ZNF391: variants seen among roughly 807,000 people sequenced by gnomAD.
ZNF391 encodes zinc finger protein 391.
For missense variants in ZNF391, 375 were observed against 425.5 expected (o/e 0.88, Z 1.04); for synonymous variants, 126 against 142.1 (o/e 0.89, Z 0.80).
intron 1 of ZNF391, among the ~76,000 whole-genome samples, chr6:27,381,957 C>T (rs1461950715): frequency 6.8e-6 from 1 of 146,680 alleles, no homozygotes; most frequent in African/African-American, 2.5e-5. Flanking sequence ...TTGCTTGAAC[C>T]TGGAAGGCGG....
rs1409059212 is a variant in ZNF391 at position 27,376,572 on chromosome 6, C to T, written n.523+1435C>T. On this transcript the variant is annotated intron_variant and non_coding_transcript_variant, in intron 1 of 2. Coordinates refer to the ZNF391 transcript ENST00000477999. The surrounding 1 kb of genome is among the most constrained non-coding windows in gnomAD (Gnocchi z 4.7). ...GTATACATCTCTGTATTGCAAATGA[C>T]AACATCTCTGGGATCCAGTCTCTTC... Among the ~76,000 whole-genome samples the T allele has an allele frequency of 1.3e-5, 2 of 152,136 alleles. No homozygotes were observed.
At chr6:27,379,238 G>A (rs773825948) in intron 1 of ZNF391, among the ~76,000 whole-genome samples, 8 of 152,136 alleles carry the variant, frequency 5.3e-5, no homozygotes, top group Non-Finnish European at 1.2e-4. Context: ...CTAAAGTAGA[G>A]AGAAATAATT....
chr6:27,386,387 A>G (rs1166882519), upstream of ZNF391, among the ~76,000 whole-genome samples: 1 of 152,220 alleles, frequency 6.6e-6, no homozygotes, highest in Non-Finnish European at 1.5e-5. Flanking sequence ...ATTTGTTTGC[A>G]GAAATAGAAA....
In ZNF391 at chr6:27,401,837, G is replaced by A. The variant is rs543169003; in HGVS notation, c.*390G>A. 109 of 160,576 alleles carry A rather than the reference G, an allele frequency of 6.8e-4. No individual in the cohort carries two copies. Among genetic ancestry groups the A allele is most frequent in the Admixed American group, 2.5e-3 (43 of 17,046 alleles). The allele number at this position is 160,576 out of a possible 1,614,324, so 9.9% of individuals were successfully genotyped here. A position where few individuals can be genotyped will look rare whatever the true frequency, so the allele number is the denominator to read the frequency against. On this transcript the variant is annotated 3_prime_UTR_variant, in exon 3 of 3. Transcript: ENST00000244576. Reference sequence around the variant, plus strand: ...TCTATTCCTTCAAGCGTGGGTCCCCGAACCACCAGGTTCTCCTCTGTTTTC... The same window carrying A: ...TCTATTCCTTCAAGCGTGGGTCCCCAAACCACCAGGTTCTCCTCTGTTTTC...
intron 1 of ZNF391, among the ~76,000 whole-genome samples, chr6:27,377,558 G>A (rs1761436381): frequency 6.6e-6 from 1 of 152,144 alleles, no homozygotes; most frequent in African/African-American, 2.4e-5. Context: ...CCTGTAACCT[G>A]GAAGCTCCCT....
At chr6:27,380,970 G>A (rs1333328848) in intron 1 of ZNF391, among the ~76,000 whole-genome samples, 1 of 152,246 alleles carries the variant, frequency 6.6e-6, no homozygotes, top group Non-Finnish European at 1.5e-5. Context: ...GGTTCTCCAC[G>A]TCCCCACCAG....
intron 1 of ZNF391, among the ~76,000 whole-genome samples, chr6:27,398,494 A>C (rs947693039): frequency 2.0e-5 from 3 of 152,182 alleles, no homozygotes; most frequent in Non-Finnish European, 4.4e-5. Context: ...CAAGTGAAAA[A>C]CAACATTGTC....
At position 27,388,998 on chromosome 6, in the gene ZNF391, G is replaced by C. The variant is rs1581528933; in HGVS notation, c.-265G>C. ...CGCACTCAGGTTCCGCTCCAAGTGCGGGACCCGCCCGGGGTGTGTCGGGGG... is the reference window on the plus strand; with the variant it reads ...CGCACTCAGGTTCCGCTCCAAGTGCCGGACCCGCCCGGGGTGTGTCGGGGG... On this transcript the variant is annotated 5_prime_UTR_variant, in exon 1 of 3. Transcript: ENST00000244576. The C allele has an allele frequency of 2.2e-6, 1 of 456,502 alleles. No individual in the cohort carries two copies. The highest frequency in any genetic ancestry group is 6.9e-5 in the East Asian group (1 of 14,398). 28.3% of individuals were successfully genotyped at this position (456,502 alleles called of 1,614,324 possible). A position where few individuals can be genotyped will look rare whatever the true frequency, so the allele number is the denominator to read the frequency against.
At position 27,388,890 on chromosome 6, in the gene ZNF391, G is replaced by A. The variant is rs1761633295; in HGVS notation, c.-373G>A. The A allele has an allele frequency of 2.2e-6, 1 of 456,112 alleles. No homozygotes were observed. The highest frequency in any genetic ancestry group is 4.4e-6 in the Non-Finnish European group (1 of 226,816). 28.3% of individuals were successfully genotyped at this position (456,112 alleles called of 1,614,324 possible). ...GCAGTCTGAGTGGAAGAGTGCCTGT[G>A]ATCTTAGGGAACCTGATGGGCGTTG... On this transcript the variant is annotated 5_prime_UTR_variant, in exon 1 of 3. Coordinates refer to ENST00000244576, the MANE Select transcript of ZNF391 (RefSeq NM_001076781.3).
chr6:27,387,838 T>C (rs1183286777), upstream of ZNF391, among the ~76,000 whole-genome samples: 2 of 152,226 alleles, frequency 1.3e-5, no homozygotes, highest in African/African-American at 2.4e-5. Context: ...AACTTTACTG[T>C]ATGACTTTAA....
Position 27,401,328 on chromosome 6 carries a change from C to CTTATTA in ZNF391, c.961_966dup (p.Ile321_Ile322dup), listed in dbSNP as rs1366342525. 1 of 1,613,960 alleles carries CTTATTA rather than the reference C, an allele frequency of 6.2e-7. No individual in the cohort carries two copies. Among genetic ancestry groups the CTTATTA allele is most frequent in the South Asian group, 1.1e-5 (1 of 91,074 alleles). The stretch of plus-strand genomic sequence containing the variant: ...AAAGGGCTTCAGTCGAAGCTCATCC[C>CTTATTA]TTATTATTCATCAGAGAACTCATAC... On this transcript the variant is annotated inframe_insertion, in exon 3 of 3. Coordinates refer to ENST00000244576, the MANE Select transcript of ZNF391 (RefSeq NM_001076781.3).
At chr6:27,383,240 A>AT (rs1761535942) in intron 1 of ZNF391, among the ~76,000 whole-genome samples, 1 of 152,202 alleles carries the variant, frequency 6.6e-6, no homozygotes, top group Non-Finnish European at 1.5e-5. Flanking sequence ...TACCAAAAAA[A>AT]GAAGAAAGAC....
intron 2 of ZNF391, among the ~76,000 whole-genome samples, chr6:27,399,814 T>C (rs1761909766): frequency 6.6e-6 from 1 of 152,220 alleles, no homozygotes; most frequent in Non-Finnish European, 1.5e-5. Context: ...GTCGTTACTA[T>C]TTCTGAAATT....
chr6:27,378,895 C>G (rs1328060857), intron 1 of ZNF391, among the ~76,000 whole-genome samples: 1 of 151,178 alleles, frequency 6.6e-6, no homozygotes, highest in Non-Finnish European at 1.5e-5. Flanking sequence ...TGCCACTGCA[C>G]TCTAGCCTGG....
chr6:27,401,217 G>A lies in ZNF391; in HGVS notation c.847G>A (p.Gly283Arg), dbSNP rs1225703817. ...GENPYECSEC[G>R]KVFSRSSSLT... ...GAACCCCTATGAGTGCAGTGAATGTGGGAAAGTGTTCAGTCGAAGCTCGTC... is the reference window on the plus strand; with the variant it reads ...GAACCCCTATGAGTGCAGTGAATGTAGGAAAGTGTTCAGTCGAAGCTCGTC... Residue 283 changes from glycine (G) to arginine (R), a missense_variant, in exon 3 of 3, where the codon GGG (glycine) becomes AGG (arginine). Transcript: ENST00000244576. The A allele has an allele frequency of 1.2e-6, 2 of 1,614,060 alleles. 1 individual carries two copies. Among genetic ancestry groups the A allele is most frequent in the Admixed American group, 3.3e-5 (2 of 59,996 alleles).
intron 1 of ZNF391, among the ~76,000 whole-genome samples, chr6:27,394,460 G>C (rs770882595): frequency 6.6e-6 from 1 of 152,242 alleles, no homozygotes. Flanking sequence ...CAGTGCAAGA[G>C]TGAAGGAGGC....
In ZNF391 at chr6:27,400,795, G is replaced by A. The variant is rs1262383586; in HGVS notation, c.425G>A (p.Cys142Tyr). The A allele has an allele frequency of 1.2e-6, 2 of 1,614,236 alleles. No homozygotes were observed. The highest frequency in any genetic ancestry group is 1.3e-5 in the African/African-American group (1 of 75,072). The change falls in exon 3 of 3, where the codon TGT becomes TAT. Residue 142 changes from cysteine (C) to tyrosine (Y), a missense_variant. By Grantham distance (194) the Cys-to-Tyr change is radical. Coordinates refer to ENST00000244576, the MANE Select transcript of ZNF391 (RefSeq NM_001076781.3). ...GAAAAGCCTTTTGAATGCAACAAAT[G>A]TGGGAAATCTTTCAGCCGAAGTACA... Reference protein sequence around the residue: ...GGEKPFECNKCGKSFSRSTHL... With the variant: ...GGEKPFECNKYGKSFSRSTHL...
At chr6:27,379,510 T>C (rs1761465618) in intron 1 of ZNF391, among the ~76,000 whole-genome samples, 1 of 152,214 alleles carries the variant, frequency 6.6e-6, no homozygotes, top group Non-Finnish European at 1.5e-5. Context: ...ATCCTTATCT[T>C]ACCTTTTAAT....
chr6:27,399,011 G>A (rs139890711), intron 1 of ZNF391, among the ~76,000 whole-genome samples: 19 of 152,306 alleles, frequency 1.2e-4, no homozygotes, highest in African/African-American at 3.6e-4. Context: ...CCCGCCTGCT[G>A]TGAGAAGAAT....
Sources: gnomAD v4.1 joint callset for allele counts (sites outside exome capture counted in the v4.1 genomes callset) on GRCh38, gnomAD v4.1.1 for gene constraint, Gnocchi (gnomAD v3.1) non-coding constraint, MANE v1.5 for transcripts, NCBI Gene and HGNC (gene_info 2026-07-23, HGNC 2026-07-21) for gene names.